Variants in GNAS observed in about 807,000 individuals in gnomAD.
GNAS encodes the protein protein ALEX.
A neutral mutation model predicts 54.5 loss-of-function variants in GNAS; 8 were observed. The observed-to-expected ratio is 0.15, with a 90% confidence interval of 0.09 to 0.26. The LOEUF is 0.26. Among genes scored for constraint, GNAS ranks in the 10% least tolerant of loss-of-function variants. The probability of loss-of-function intolerance (pLI) is 1.00; values close to 1 mark genes in which losing one functional copy is unlikely to be tolerated. For synonymous variants in GNAS, 204 were observed against 191.4 expected (o/e 1.07, Z -0.54); for missense variants, 170 against 529.8 (o/e 0.32, Z 6.67).
intron 1 of GNAS, among the ~76,000 whole-genome samples, chr20:58,880,577 G>A (rs527856513): frequency 2.2e-4 from 33 of 152,306 alleles, no homozygotes; most frequent in African/African-American, 7.2e-4. Flanking sequence ...ACAGCTGGGT[G>A]ATTTCACAGA....
chr20:58,886,501 C>T (rs1206621041), upstream of GNAS, among the ~76,000 whole-genome samples: 1 of 152,168 alleles, frequency 6.6e-6, no homozygotes, highest in African/African-American at 2.4e-5. Flanking sequence ...GGGCCCCTTC[C>T]ATTGGAAAGC....
rs3730174 is a variant in GNAS, at chr20:58,910,594, G to T, written c.1039-89G>T. The T allele has an allele frequency of 5.3e-6, 8 of 1,496,890 alleles. No homozygotes were observed. The highest frequency in any genetic ancestry group is 1.9e-4 in the Middle Eastern group (1 of 5,314). 92.7% of individuals were successfully genotyped at this position (1,496,890 alleles called of 1,614,324 possible). A position where few individuals can be genotyped will look rare whatever the true frequency, so the allele number is the denominator to read the frequency against. On this transcript the variant is annotated intron_variant, in intron 12 of 12. Coordinates refer to ENST00000371085, the MANE Select transcript of GNAS (RefSeq NM_000516.7). This position sits in a 1 kb window ranked among gnomAD's most constrained non-coding sequence, Gnocchi z 5.8. ...TTTCATATGACATCAGAGGCTGGCT[G>T]ACAGCCGTCCCTGGTAGGTGTCCCC...
Position 58,910,588 on chromosome 20 carries a change from C to T in GNAS, c.1039-95C>T, listed in dbSNP as rs866320462. 2.1e-6 allele frequency: 3 copies of T among 1,457,628 alleles called. No individual in the cohort carries two copies. In the Middle Eastern group the frequency reaches 5.9e-4, roughly 285 times the overall value. The allele number at this position is 1,457,628 out of a possible 1,614,324, so 90.3% of individuals were successfully genotyped here. A position where few individuals can be genotyped will look rare whatever the true frequency, so the allele number is the denominator to read the frequency against. The stretch of plus-strand genomic sequence containing the variant: ...TTTTGTTTTCATATGACATCAGAGG[C>T]TGGCTGACAGCCGTCCCTGGTAGGT... On this transcript the variant is annotated intron_variant, in intron 12 of 12. Transcript: ENST00000371085. The surrounding 1 kb of genome is among the most constrained non-coding windows in gnomAD (Gnocchi z 5.8).
At position 58,857,645 on chromosome 20, in the gene GNAS, G is replaced by A. The variant is rs2086574815; in HGVS notation, c.43+16759G>A. On this transcript the variant is annotated intron_variant, in intron 1 of 12. Coordinates refer to the GNAS transcript ENST00000306090. This position sits in a 1 kb window ranked among gnomAD's most constrained non-coding sequence, Gnocchi z 4.1. The stretch of plus-strand genomic sequence containing the variant: ...GGAATGCTTTTGCACCATGATTTGA[G>A]TCTTCTATTCTTCCTGGAGGTGGGG... Among the ~76,000 whole-genome samples the A allele has an allele frequency of 6.6e-6, 1 of 152,114 alleles. No individual in the cohort carries two copies. Among genetic ancestry groups the A allele is most frequent in the Admixed American group, 6.5e-5 (1 of 15,274 alleles).
At chr20:58,890,195 G>A (rs1204461674), upstream of GNAS, among the ~76,000 whole-genome samples, 1 of 151,476 alleles carries the variant, frequency 6.6e-6, no homozygotes, top group Non-Finnish European at 1.5e-5. Context: ...TGGAGAAGAT[G>A]CTGAAGAAGA....
At chr20:58,895,327 A>G (rs1474380842) in intron 1 of GNAS, 5 of 442,112 alleles carry the variant, frequency 1.1e-5, no homozygotes, top group Non-Finnish European at 2.1e-5. Context: ...CCCCTTTCCA[A>G]CACCACCCCA....
rs2146303201 is a variant in GNAS at position 58,910,591 on chromosome 20, G to A, written c.1039-92G>A. Reference sequence around the variant, plus strand: ...TGTTTTCATATGACATCAGAGGCTGGCTGACAGCCGTCCCTGGTAGGTGTC... The same window carrying A: ...TGTTTTCATATGACATCAGAGGCTGACTGACAGCCGTCCCTGGTAGGTGTC... On this transcript the variant is annotated intron_variant, in intron 12 of 12. Transcript: ENST00000371085. The surrounding 1 kb of genome is among the most constrained non-coding windows in gnomAD (Gnocchi z 5.8). 6.8e-7 allele frequency: 1 copy of A among 1,477,778 alleles called. No individual in the cohort carries two copies. Among genetic ancestry groups the A allele is most frequent in the South Asian group, 1.1e-5 (1 of 87,506 alleles). 91.5% of individuals were successfully genotyped at this position (1,477,778 alleles called of 1,614,324 possible). A position where few individuals can be genotyped will look rare whatever the true frequency, so the allele number is the denominator to read the frequency against.
intron 1 of GNAS, among the ~76,000 whole-genome samples, chr20:58,859,274 C>T (rs1453195316): frequency 6.6e-6 from 1 of 152,202 alleles, no homozygotes; most frequent in Admixed American, 6.5e-5. Flanking sequence ...GATTTCTGCT[C>T]ACTGCAACCT....
upstream of GNAS, chr20:58,889,154 A>C (rs1362991133): frequency 8.2e-7 from 1 of 1,212,632 alleles, no homozygotes; most frequent in African/African-American, 1.6e-5. Flanking sequence ...GCCGGTTAGA[A>C]GCTCTGCTCC....
At position 58,841,880 on chromosome 20, in the gene GNAS, A is replaced by C; in HGVS notation, c.43+994A>C. The C allele has an allele frequency of 8.1e-7, 1 of 1,231,460 alleles. No individual in the cohort carries two copies. Among genetic ancestry groups the C allele is most frequent in the Non-Finnish European group, 1.0e-6 (1 of 988,016 alleles). 76.3% of individuals were successfully genotyped at this position (1,231,460 alleles called of 1,614,324 possible). On this transcript the variant is annotated intron_variant, in intron 1 of 12. Coordinates refer to the GNAS transcript ENST00000306090. The surrounding 1 kb of genome is among the most constrained non-coding windows in gnomAD (Gnocchi z 5.0). ...GAGATCGTCGCAAGTGGAAAGGTAAAGCGGAACAAGGGACAGGCTGGAGAC... is the reference window on the plus strand; with the variant it reads ...GAGATCGTCGCAAGTGGAAAGGTAACGCGGAACAAGGGACAGGCTGGAGAC...
chr20:58,882,377 A>C (rs1412574654), intron 1 of GNAS, among the ~76,000 whole-genome samples: 1 of 152,226 alleles, frequency 6.6e-6, no homozygotes, highest in Non-Finnish European at 1.5e-5. Context: ...ATCAGGGAGC[A>C]ACGGCTCCAT....
chr20:58,855,601 A>G, intron 1 of GNAS: 1 of 715,620 alleles, frequency 1.4e-6, no homozygotes, highest in South Asian at 1.5e-5. Context: ...CCGGCTGGAC[A>G]GGCCAGCGCC....
In GNAS at chr20:58,840,882, T is replaced by C. The variant is rs1305362189; in HGVS notation, c.39T>C (p.Asp13=). ...TCCAGATTCTCCTTGTTTTCATGGA[T>C]TCAGGTTAGTTGCCCACCGCTAAAC... The change falls in exon 1 of 13, where the codon GAT becomes GAC. Residue 13 remains aspartate, a synonymous_variant. Coordinates refer to the GNAS transcript ENST00000306090. The surrounding 1 kb of genome is among the most constrained non-coding windows in gnomAD (Gnocchi z 6.0). 1 of 1,612,504 alleles carries C rather than the reference T, an allele frequency of 6.2e-7. No homozygotes were observed. The highest frequency in any genetic ancestry group is 1.3e-5 in the African/African-American group (1 of 75,016).
At position 58,902,725 on chromosome 20, in the gene GNAS, CTTTTT is replaced by C. The variant is rs60022134; in HGVS notation, c.258-782_258-778del. 2.0e-3 allele frequency among the ~76,000 whole-genome samples: 138 copies of C among 69,488 alleles called. 1 individual carries two copies. Among genetic ancestry groups the C allele is most frequent in the African/African-American group, 7.6e-3 (114 of 15,000 alleles). The allele number at this position is 69,488 out of a possible 152,430, so 45.6% of individuals were successfully genotyped here. A position where few individuals can be genotyped will look rare whatever the true frequency, so the allele number is the denominator to read the frequency against. On this transcript the variant is annotated intron_variant, in intron 3 of 12. Coordinates refer to ENST00000371085, the MANE Select transcript of GNAS (RefSeq NM_000516.7). ...AGTGCCTGGAGCATCGCACATACGA[CTTTTT>C]TTTTTTTTTTTTTTTTTTTTTTTGA...
chr20:58,846,628 C>T (rs1000232981), intron 1 of GNAS, among the ~76,000 whole-genome samples: 13 of 152,180 alleles, frequency 8.5e-5, no homozygotes, highest in African/African-American at 2.4e-4. Context: ...CTTGAGGGGT[C>T]CAAGGGGCAC....
intron 6 of GNAS, chr20:58,908,863 C>CGTGCT: frequency 2.0e-6 from 1 of 491,492 alleles, no homozygotes; most frequent in Non-Finnish European, 3.7e-6. Flanking sequence ...GCCCCACCAC[C>CGTGCT]GTGCTGTGCT....
At chr20:58,902,742 T>TTTTTC (rs2090740677) in intron 3 of GNAS, among the ~76,000 whole-genome samples, 1 of 133,836 alleles carries the variant, frequency 7.5e-6, no homozygotes, top group Non-Finnish European at 1.6e-5. Flanking sequence ...TTTTTTTTTT[T>TTTTTC]TTTTTTTTTT....
chr20:58,910,417 C>A lies in GNAS; in HGVS notation c.1038+16C>A. Reference sequence around the variant, plus strand: ...TGAGTTTCTGGTGAGTCGAGCCTGTCTTTAGTTTCCTCTCTTGTTCCTCCT... The same window carrying A: ...TGAGTTTCTGGTGAGTCGAGCCTGTATTTAGTTTCCTCTCTTGTTCCTCCT... On this transcript the variant is annotated intron_variant, in intron 12 of 12. Coordinates refer to ENST00000371085, the MANE Select transcript of GNAS (RefSeq NM_000516.7). The surrounding 1 kb of genome is among the most constrained non-coding windows in gnomAD (Gnocchi z 5.8). The A allele has an allele frequency of 1.3e-6, 2 of 1,583,880 alleles. No homozygotes were observed. Among genetic ancestry groups the A allele is most frequent in the Non-Finnish European group, 1.7e-6 (2 of 1,152,484 alleles).
intron 2 of GNAS, 59 bp downstream of exon 2, chr20:58,895,743 C>T (rs1346986399): frequency 4.0e-6 from 4 of 993,698 alleles, no homozygotes; most frequent in African/African-American, 3.2e-5. Context: ...TTATACTAAC[C>T]TTTAGGAAGT....
Sources: allele counts gnomAD v4.1 joint callset (sites outside exome capture counted in the v4.1 genomes callset), GRCh38; gene constraint gnomAD v4.1.1; non-coding constraint Gnocchi (gnomAD v3.1); transcripts MANE v1.5; gene names NCBI Gene and HGNC (gene_info 2026-07-23, HGNC 2026-07-21).